The following ITGB2 variants were observed in gnomAD, a reference collection of about 807,000 sequenced individuals.
The protein encoded by ITGB2 is integrin subunit beta 2, also known as integrin beta-2.
A neutral mutation model predicts 86.8 loss-of-function variants in ITGB2; 56 were observed. The observed-to-expected ratio is 0.65, with a 90% CI of 0.52 to 0.81. The LOEUF (loss-of-function observed/expected upper bound fraction) is 0.81. Ranked by LOEUF, ITGB2 falls within the 30% of genes least tolerant of loss-of-function variation. The pLI is 0.00. For synonymous variants in ITGB2, 457 were observed against 450.4 expected, an observed-to-expected ratio of 1.01 and a Z score of -0.19; for missense variants, 948 against 1,061.2, an observed-to-expected ratio of 0.89 and a Z score of 1.48.
chr21:44,912,344 C>T (rs114083165), intron 1 of ITGB2, among the ~76,000 whole-genome samples: 1 of 152,198 alleles, frequency 6.6e-6, no homozygotes, highest in Non-Finnish European at 1.5e-5. Context: ...CCCCCGAAAG[C>T]CCTGCACCTG....
intron 10 of ITGB2, 39 bp downstream of exon 10, chr21:44,893,364 CT>C: frequency 6.2e-7 from 1 of 1,610,730 alleles, no homozygotes; most frequent in East Asian, 2.2e-5. Flanking sequence ...CCCAGAGCCC[CT>C]CAGCAAGCTG....
At chr21:44,907,145 C>A in intron 3 of ITGB2, 50 bp from the exon 4 acceptor site, 1 of 1,426,742 alleles carries the variant, frequency 7.0e-7, no homozygotes, top group Non-Finnish European at 9.6e-7. Flanking sequence ...GCGGGACCTG[C>A]AGGAGGCTGA....
intron 1 of ITGB2, among the ~76,000 whole-genome samples, chr21:44,918,118 T>C (rs2084238315): frequency 6.6e-6 from 1 of 152,254 alleles, no homozygotes; most frequent in Non-Finnish European, 1.5e-5. Context: ...AGGCGCCCAC[T>C]GCAGAGCCCC....
At chr21:44,906,847 C>A (rs560721406) in intron 4 of ITGB2, 68 bp downstream of exon 4, 1 of 1,549,416 alleles carries the variant, frequency 6.5e-7, no homozygotes, top group African/African-American at 1.4e-5. Flanking sequence ...AGAGCAGGGC[C>A]GGACTCCCAG....
At chr21:44,922,217 C>G (rs1039367197), upstream of ITGB2, among the ~76,000 whole-genome samples, 1 of 151,994 alleles carries the variant, frequency 6.6e-6, no homozygotes, top group African/African-American at 2.4e-5. Flanking sequence ...TTGGGAGGGG[C>G]CAGGGAGCAC....
At position 44,903,420 on chromosome 21, in the gene ITGB2, C is replaced by T. The variant is rs2083995229; in HGVS notation, c.444G>A (p.Lys148=). 1 of 1,614,004 alleles carries T rather than the reference C, an allele frequency of 6.2e-7. No individual in the cohort carries two copies. Among genetic ancestry groups the T allele is most frequent in the Non-Finnish European group, 8.5e-7 (1 of 1,179,996 alleles). Reference sequence around the variant, plus strand: ...GGGCCCGGAGCAGGTCGCCACCTAGCTTCTTGACATTCCTGAGGTCATCAA... The same window carrying T: ...GGGCCCGGAGCAGGTCGCCACCTAGTTTCTTGACATTCCTGAGGTCATCAA... ...SMLDDLRNVK[K]LGGDLLRALN... Residue 148 remains lysine (K), a synonymous_variant, in exon 5 of 16, where the codon AAG becomes AAA. Transcript: ENST00000652462.
At chr21:44,895,434 G>A (rs1568886588) in intron 8 of ITGB2, among the ~76,000 whole-genome samples, 1 of 152,212 alleles carries the variant, frequency 6.6e-6, no homozygotes, top group Admixed American at 6.5e-5. Flanking sequence ...GGAGGCTGAG[G>A]CAGGAGGATC....
At chr21:44,902,640 C>A (rs116673857) in intron 5 of ITGB2, among the ~76,000 whole-genome samples, 4,635 of 151,026 alleles carry the variant, frequency 0.031, 118 homozygotes, top group African/African-American at 0.069. Context: ...AGGATACATT[C>A]ATGTGTGAGT....
At chr21:44,896,647 T>C (rs1299542221) in intron 8 of ITGB2, among the ~76,000 whole-genome samples, 1 of 152,294 alleles carries the variant, frequency 6.6e-6, no homozygotes, top group African/African-American at 2.4e-5. Flanking sequence ...TCTGGGGCCA[T>C]CCCTGTCTTG....
At position 44,888,697 on chromosome 21, in the gene ITGB2, G is replaced by T; in HGVS notation, c.2076C>A (p.Ser692Arg). ...MDRYLIYVDESRECVAGPNIA... is the reference protein window; with the variant it reads ...MDRYLIYVDERRECVAGPNIA... ...GCTGCACCCCAGCGGCCTCACCTCGGCTCTCATCCACATAGATGAGGTAGC... is the reference window on the plus strand; with the variant it reads ...GCTGCACCCCAGCGGCCTCACCTCGTCTCTCATCCACATAGATGAGGTAGC... The change falls in exon 14 of 16, where the codon AGC becomes AGA. Residue 692 changes from serine (S) to arginine (R), a missense_variant. Coordinates refer to ENST00000652462, the MANE Select transcript of ITGB2 (RefSeq NM_000211.5). The T allele has an allele frequency of 6.2e-7, 1 of 1,607,892 alleles. No individual in the cohort carries two copies.
At chr21:44,900,564 G>A (rs932698604) in intron 6 of ITGB2, 89 bp from the exon 7 acceptor site, 12 of 1,534,272 alleles carry the variant, frequency 7.8e-6, no homozygotes, top group Admixed American at 3.4e-5. Flanking sequence ...AGAGCTGGTG[G>A]GGTGGCCCGG....
upstream of ITGB2, among the ~76,000 whole-genome samples, chr21:44,925,059 G>C (rs2084354449): frequency 6.6e-6 from 1 of 151,942 alleles, no homozygotes; most frequent in Non-Finnish European, 1.5e-5. Flanking sequence ...GTTAAGATTT[G>C]GTAAGATGAG....
At chr21:44,920,403 A>C (rs1318136754) in intron 1 of ITGB2, among the ~76,000 whole-genome samples, 1 of 152,202 alleles carries the variant, frequency 6.6e-6, no homozygotes, top group Non-Finnish European at 1.5e-5. Flanking sequence ...CAGGCGGGGC[A>C]GCATGCAGAC....
intron 3 of ITGB2, 149 bp downstream of exon 3, chr21:44,910,135 C>A: frequency 1.1e-6 from 1 of 923,396 alleles, no homozygotes; most frequent in South Asian, 1.7e-5. Flanking sequence ...CCTCAGGGGC[C>A]CCTTGAGGGG....
intron 3 of ITGB2, chr21:44,908,100 C>G (rs746919729): frequency 1.4e-6 from 1 of 720,734 alleles, no homozygotes; most frequent in Non-Finnish European, 2.6e-6. Context: ...CTGCTCAGTC[C>G]GAGGACAGAC....
chr21:44,895,392 T>C (rs1005254234), intron 8 of ITGB2, among the ~76,000 whole-genome samples: 1 of 152,052 alleles, frequency 6.6e-6, no homozygotes, highest in Non-Finnish European at 1.5e-5. Context: ...TAGAGTGGTG[T>C]GGCGTCACAT....
intron 1 of ITGB2, among the ~76,000 whole-genome samples, chr21:44,913,670 G>A (rs149520204): frequency 2.0e-5 from 3 of 152,172 alleles, no homozygotes; most frequent in African/African-American, 4.8e-5. Context: ...GCAGTGCACT[G>A]AGCCTGGCAG....
chr21:44,911,429 G>T lies in ITGB2; in HGVS notation c.-3-644C>A, dbSNP rs147457725. 1.0e-2 allele frequency: 1,529 copies of T among 153,488 alleles called. 15 individuals carry two copies. Among genetic ancestry groups the T allele is most frequent in the African/African-American group, 0.035 (1,469 of 41,568 alleles). 9.5% of individuals were successfully genotyped at this position (153,488 alleles called of 1,614,324 possible). On this transcript the variant is annotated intron_variant, in intron 1 of 15. Transcript: ENST00000652462. Reference sequence around the variant, plus strand: ...CCCAGGTCCTCCGTGAGCAGAGCCTGTGCTTGGAGGAGAGCTGGGCTTGGC... The same window carrying T: ...CCCAGGTCCTCCGTGAGCAGAGCCTTTGCTTGGAGGAGAGCTGGGCTTGGC...
rs61737078 is a variant in ITGB2 at position 44,910,770 on chromosome 21, G to T, written c.13C>A (p.Arg5Ser). MLGLRPPLLALVGLL... is the reference protein window; with the variant it reads MLGLSPPLLALVGLL... The stretch of plus-strand genomic sequence containing the variant: ...CCCACCAGGGCGAGCAGTGGGGGGC[G>T]CAGGCCCAGCATGTCCTGTGGAGGG... Residue 5 changes from arginine to serine, a missense_variant, in exon 2 of 16, where the codon CGC (arginine) becomes AGC (serine). Physicochemically the swap from Arg to Ser is moderately radical, Grantham distance 110 (BLOSUM62 -1). Transcript: ENST00000652462. 84 of 1,613,516 alleles carry T rather than the reference G, an allele frequency of 5.2e-5. No homozygotes were observed. In the Middle Eastern group the frequency reaches 6.6e-4, roughly 13 times the overall value.
Sources: gnomAD v4.1 joint callset for allele counts (sites outside exome capture counted in the v4.1 genomes callset) on GRCh38, gnomAD v4.1.1 for gene constraint, MANE v1.5 for transcripts, NCBI Gene and HGNC (gene_info 2026-07-23, HGNC 2026-07-21) for gene names.